PTPRT: variants seen among roughly 807,000 people sequenced by gnomAD.
PTPRT encodes protein tyrosine phosphatase receptor type T.
A neutral mutation model predicts 176.8 loss-of-function variants in PTPRT; 56 were observed. The observed-to-expected ratio is 0.32, with a 90% CI of 0.26 to 0.40. PTPRT has a LOEUF of 0.40. Among genes scored for constraint, PTPRT ranks in the 10% least tolerant of loss-of-function variants. The probability of loss-of-function intolerance (pLI) is 1.00; values close to 1 mark genes in which losing one functional copy is unlikely to be tolerated. For synonymous variants in PTPRT, 783 were observed against 739.0 expected (o/e 1.06, Z -0.96); for missense variants, 1,540 against 1,908.2 (o/e 0.81, Z 3.60).
intron 15 of PTPRT, among the ~76,000 whole-genome samples, chr20:42,218,055 C>T (rs939062718): frequency 6.6e-6 from 1 of 152,220 alleles, no homozygotes; most frequent in African/African-American, 2.4e-5. Flanking sequence ...TGCTCTCCTC[C>T]TCACCCAACT....
intron 14 of PTPRT, among the ~76,000 whole-genome samples, chr20:42,248,031 T>C (rs112958124): frequency 0.018 from 2,723 of 152,260 alleles, 83 homozygotes; most frequent in African/African-American, 0.062. Context: ...TCGTGAGAAA[T>C]GCAACTGGAG....
chr20:42,762,507 G>A (rs1489484549), intron 5 of PTPRT, among the ~76,000 whole-genome samples: 2 of 152,216 alleles, frequency 1.3e-5, no homozygotes, highest in East Asian at 1.9e-4. Context: ...TCCTGAGGAT[G>A]AGCAACTGGT....
At chr20:42,675,364 G>A (rs1235232590) in intron 7 of PTPRT, among the ~76,000 whole-genome samples, 1 of 152,214 alleles carries the variant, frequency 6.6e-6, no homozygotes, top group East Asian at 1.9e-4. Context: ...TGGGACCCAA[G>A]TCCAAACACA....
intron 1 of PTPRT, among the ~76,000 whole-genome samples, chr20:42,911,865 T>C (rs555241277): frequency 6.6e-6 from 1 of 152,214 alleles, no homozygotes; most frequent in South Asian, 2.1e-4. Flanking sequence ...GCTTTTAAAG[T>C]ACATTACAGT....
intron 1 of PTPRT, among the ~76,000 whole-genome samples, chr20:43,044,441 T>A (rs1986753833): frequency 6.6e-6 from 1 of 152,140 alleles, no homozygotes; most frequent in Non-Finnish European, 1.5e-5. Flanking sequence ...TCCTTTCCAA[T>A]GTGTCACTCC....
At chr20:43,124,823 G>A (rs2013382712) in intron 1 of PTPRT, among the ~76,000 whole-genome samples, 1 of 152,098 alleles carries the variant, frequency 6.6e-6, no homozygotes, top group South Asian at 2.1e-4. Flanking sequence ...GCTGACTTTA[G>A]GAAATAAAGA....
rs1182836909 is a variant in PTPRT, at chr20:42,623,528, A to G, written c.1153+54338T>C. The stretch of plus-strand genomic sequence containing the variant: ...AGAATAGTTACACTTTCTCAAGGTT[A>G]AACTCTACGGAATGGGATGAAATGG... On this transcript the variant is annotated intron_variant, in intron 7 of 30. Coordinates refer to ENST00000373187, the MANE Select transcript of PTPRT (RefSeq NM_007050.6). Among the ~76,000 whole-genome samples the G allele has an allele frequency of 3.9e-5, 6 of 152,344 alleles. No individual in the cohort carries two copies. The East Asian group carries it at 1.2e-3, about 29-fold the overall frequency.
At chr20:43,153,837 G>C (rs908450118) in intron 1 of PTPRT, among the ~76,000 whole-genome samples, 2 of 152,216 alleles carry the variant, frequency 1.3e-5, no homozygotes, top group African/African-American at 4.8e-5. Context: ...GAGAAGGCAA[G>C]AGGATGAATA....
At position 42,492,676 on chromosome 20, in the gene PTPRT, T is replaced by A. The variant is rs190950864; in HGVS notation, c.1154-20114A>T. On this transcript the variant is annotated intron_variant, in intron 7 of 30. Coordinates refer to ENST00000373187, the MANE Select transcript of PTPRT (RefSeq NM_007050.6). ...TGTTTAGTAACATGTTATTTAGTTG[T>A]CAAATTCATGAGATTTTTAAATCTG... 9.7e-4 allele frequency among the ~76,000 whole-genome samples: 147 copies of A among 152,318 alleles called. 2 individuals are homozygous for A. The highest frequency in any genetic ancestry group is 6.5e-4 in the Non-Finnish European group (44 of 68,024).
At chr20:42,141,055 A>G (rs559919120) in intron 18 of PTPRT, among the ~76,000 whole-genome samples, 13 of 152,258 alleles carry the variant, frequency 8.5e-5, no homozygotes, top group Non-Finnish European at 1.6e-4. Flanking sequence ...TGACTTCATC[A>G]ATGAGTCATT....
At chr20:43,007,699 C>T (rs948816807) in intron 1 of PTPRT, among the ~76,000 whole-genome samples, 2 of 152,256 alleles carry the variant, frequency 1.3e-5, no homozygotes, top group Admixed American at 1.3e-4. Context: ...GCACATTGTC[C>T]GGCGACTTCA....
intron 16 of PTPRT, among the ~76,000 whole-genome samples, chr20:42,181,680 T>C (rs986250167): frequency 6.6e-6 from 1 of 152,180 alleles, no homozygotes; most frequent in African/African-American, 2.4e-5. Flanking sequence ...ATTAGCATAA[T>C]GATTCATTCA....
chr20:42,109,034 G>GAGATTGAGAT (rs1986778230), intron 23 of PTPRT, among the ~76,000 whole-genome samples: 1 of 152,050 alleles, frequency 6.6e-6, no homozygotes, highest in African/African-American at 2.4e-5. Context: ...TGATTGCTAT[G>GAGATTGAGAT]AGATATAAAG....
intron 1 of PTPRT, among the ~76,000 whole-genome samples, chr20:42,990,039 C>T (rs1600627455): frequency 6.6e-6 from 1 of 152,054 alleles, no homozygotes; most frequent in Admixed American, 6.6e-5. Flanking sequence ...ATTGTAGAAA[C>T]AAACAAAAAA....
intron 9 of PTPRT, among the ~76,000 whole-genome samples, chr20:42,439,769 T>TAG (rs2059295504): frequency 6.6e-6 from 1 of 152,166 alleles, no homozygotes; most frequent in South Asian, 2.1e-4. Context: ...AGCATATGGA[T>TAG]AGCGCCCCCT....
chr20:42,922,392 T>C (rs1979205285), intron 1 of PTPRT, among the ~76,000 whole-genome samples: 1 of 152,178 alleles, frequency 6.6e-6, no homozygotes, highest in Non-Finnish European at 1.5e-5. Flanking sequence ...ATCCATACAC[T>C]GACTACTCCC....
chr20:43,180,519 A>G (rs2015231049), intron 1 of PTPRT, among the ~76,000 whole-genome samples: 1 of 151,692 alleles, frequency 6.6e-6, no homozygotes, highest in Non-Finnish European at 1.5e-5. Flanking sequence ...GCAGGAGTGC[A>G]ATGGCATAGC....
At chr20:43,140,479 TGTGTGTGTGTG>T (rs1343560298) in intron 1 of PTPRT, among the ~76,000 whole-genome samples, 2 of 131,914 alleles carry the variant, frequency 1.5e-5, no homozygotes, top group African/African-American at 5.2e-5. Flanking sequence ...TGTGTGTGTG[TGTGTGTGTGTG>T]TGTGTACATA....
chr20:42,233,750 G>GT (rs2056183022), intron 15 of PTPRT, among the ~76,000 whole-genome samples: 1 of 152,148 alleles, frequency 6.6e-6, no homozygotes, highest in Non-Finnish European at 1.5e-5. Flanking sequence ...GGGCCTTGGG[G>GT]TTGGTGAATA....
Sources: allele counts gnomAD v4.1 joint callset (sites outside exome capture counted in the v4.1 genomes callset), GRCh38; gene constraint gnomAD v4.1.1; transcripts MANE v1.5; gene names NCBI Gene and HGNC (gene_info 2026-07-23, HGNC 2026-07-21).